The following GPN1 variants were observed in gnomAD, a reference collection of about 807,000 sequenced individuals.
GPN1 encodes the protein GPN-loop GTPase 1.
GPN1 carries 44 observed loss-of-function variants against 55.9 expected under a neutral mutation model. The observed-to-expected ratio is 0.79, with a 90% CI of 0.62 to 1.01. GPN1 has a LOEUF of 1.01. GPN1 is among the 50% of genes least tolerant of loss of function. The pLI, the probability that GPN1 is intolerant of heterozygous loss-of-function variation, is 0.00. For synonymous variants in GPN1, 179 were observed against 162.5 expected (o/e 1.10, Z -0.77); for missense variants, 466 against 462.8 (o/e 1.01, Z -0.06).
chr2:27,639,739 G>A (rs1009851693), intron 9 of GPN1, among the ~76,000 whole-genome samples: 1 of 152,142 alleles, frequency 6.6e-6, no homozygotes, highest in African/African-American at 2.4e-5. Flanking sequence ...CCCCAGGCCA[G>A]TCTTGAATGC....
At chr2:27,640,830 G>A (rs1352195788) in intron 10 of GPN1, among the ~76,000 whole-genome samples, 1 of 152,132 alleles carries the variant, frequency 6.6e-6, no homozygotes, top group Admixed American at 6.6e-5. Flanking sequence ...ACACAAGGGT[G>A]TTATCAAAAC....
At chr2:27,628,294 A>G, upstream of GPN1, 1 of 1,140,450 alleles carries the variant, frequency 8.8e-7, no homozygotes, top group South Asian at 1.6e-5. Context: ...GGTGGTCAGG[A>G]GTAGAAATAA....
At chr2:27,644,723 GTTT>G (rs1297764271) in intron 12 of GPN1, among the ~76,000 whole-genome samples, 1 of 101,740 alleles carries the variant, frequency 9.8e-6, no homozygotes, top group African/African-American at 3.9e-5. Flanking sequence ...TTTTGGTAGT[GTTT>G]TTTTTTTTTT....
intron 12 of GPN1, among the ~76,000 whole-genome samples, chr2:27,645,262 TC>T (rs1213636211): frequency 1.3e-5 from 2 of 152,080 alleles, no homozygotes; most frequent in Non-Finnish European, 2.9e-5. Context: ...TAAGCCACCA[TC>T]CCCAGCCCAT....
chr2:27,628,953 C>A, upstream of GPN1: 1 of 1,559,986 alleles, frequency 6.4e-7, no homozygotes, highest in Middle Eastern at 2.0e-4. Flanking sequence ...CCCTCACCCG[C>A]TCCTTTCTGA....
At chr2:27,629,025 T>C (rs1558484002), upstream of GPN1, 1 of 1,613,452 alleles carries the variant, frequency 6.2e-7, no homozygotes, top group Admixed American at 1.7e-5. Flanking sequence ...CCATGCGGTG[T>C]CTCTATGGTC....
At chr2:27,637,362 G>A (rs1219266555) in intron 7 of GPN1, among the ~76,000 whole-genome samples, 1 of 152,090 alleles carries the variant, frequency 6.6e-6, no homozygotes, top group Non-Finnish European at 1.5e-5. Context: ...CTGTCTCTGG[G>A]TGGCAGAGGT....
rs1286704428 is a variant in GPN1, at chr2:27,643,019, A to C, written c.931+500A>C. Reference sequence around the variant, plus strand: ...CATACATATGCATACATATATATTAAAAAATAAAGGATTTGGAAAGGCAAA... The same window carrying C: ...CATACATATGCATACATATATATTACAAAATAAAGGATTTGGAAAGGCAAA... On this transcript the variant is annotated intron_variant, in intron 12 of 13. Coordinates refer to ENST00000610189, the MANE Select transcript of GPN1 (RefSeq NM_007266.4). This position sits in a 1 kb window ranked among gnomAD's most constrained non-coding sequence, Gnocchi z 4.0. Among the ~76,000 whole-genome samples, 2 of 151,104 alleles carry C rather than the reference A, an allele frequency of 1.3e-5. No homozygotes were observed. Among genetic ancestry groups the C allele is most frequent in the African/African-American group, 4.9e-5 (2 of 41,232 alleles).
At chr2:27,630,563 C>A (rs1388461875) in intron 2 of GPN1, among the ~76,000 whole-genome samples, 1 of 151,858 alleles carries the variant, frequency 6.6e-6, no homozygotes, top group Non-Finnish European at 1.5e-5. Flanking sequence ...CAAGGCCTCT[C>A]TATGTTGCCC....
chr2:27,634,347 C>T (rs77127387), intron 5 of GPN1, among the ~76,000 whole-genome samples: 3,853 of 152,218 alleles, frequency 0.025, 75 homozygotes, highest in African/African-American at 0.051. Context: ...ACAATTCACC[C>T]ATTTAAGGTA....
chr2:27,631,227 CT>C, intron 3 of GPN1, 161 bp downstream of exon 3: 2 of 608,196 alleles, frequency 3.3e-6, no homozygotes, highest in Non-Finnish European at 5.9e-6. Context: ...ACTATTTCAG[CT>C]TGAGATTTTA....
chr2:27,640,424 G>A (rs1673893342), intron 10 of GPN1, among the ~76,000 whole-genome samples: 1 of 152,188 alleles, frequency 6.6e-6, no homozygotes, highest in South Asian at 2.1e-4. Flanking sequence ...AGTCTCTGTT[G>A]CAACTGCTCA....
At chr2:27,638,734 G>T (rs1170114154) in intron 8 of GPN1, 151 bp from the exon 9 acceptor site, 18 of 635,662 alleles carry the variant, frequency 2.8e-5, no homozygotes, top group Non-Finnish European at 8.1e-6. Context: ...AATGATTGTG[G>T]TTCTTTGTGG....
Position 27,634,941 on chromosome 2 carries a change from T to A in GPN1, c.429+17T>A. ...GAAGCCCTTGTGAGTATTCTAGGAC[T>A]TGCTACTGAGAGTAGCTAGAGGGGC... is the stretch of plus-strand genomic sequence containing the variant. On this transcript the variant is annotated intron_variant, in intron 6 of 13. Transcript: ENST00000610189. 1 of 1,477,710 alleles carries A rather than the reference T, an allele frequency of 6.8e-7. No homozygotes were observed. The allele number at this position is 1,477,710 out of a possible 1,614,324, so 91.5% of individuals were successfully genotyped here. A position where few individuals can be genotyped will look rare whatever the true frequency, so the allele number is the denominator to read the frequency against.
intron 12 of GPN1, among the ~76,000 whole-genome samples, chr2:27,646,417 T>C (rs1270271283): frequency 1.3e-5 from 2 of 152,232 alleles, no homozygotes; most frequent in East Asian, 3.8e-4. Flanking sequence ...CCGTTACATC[T>C]TATAACTGGT....
chr2:27,629,188 G>A lies in GPN1; in HGVS notation c.111+19G>A, dbSNP rs1472511041. The stretch of plus-strand genomic sequence containing the variant: ...TGTACAGGTGACGTACACAGCATGG[G>A]TGTAGTAGGGGAGCGCAAAAGGTTG... On this transcript the variant is annotated intron_variant, in intron 1 of 13. Coordinates refer to ENST00000610189, the MANE Select transcript of GPN1 (RefSeq NM_007266.4). The A allele has an allele frequency of 2.5e-6, 4 of 1,612,368 alleles. No homozygotes were observed. Among genetic ancestry groups the A allele is most frequent in the Admixed American group, 3.3e-5 (2 of 59,848 alleles).
At chr2:27,631,287 G>A (rs940095282) in intron 3 of GPN1, 1 of 567,960 alleles carries the variant, frequency 1.8e-6, no homozygotes, top group African/African-American at 1.9e-5. Context: ...TTAAAGAGCA[G>A]AGAGTATGAT....
upstream of GPN1, chr2:27,628,540 T>C (rs1237008976): frequency 6.4e-7 from 1 of 1,551,340 alleles, no homozygotes; most frequent in African/African-American, 1.4e-5. Context: ...CCGTAGTTTA[T>C]TCGTTCGGTG....
At position 27,650,771 on chromosome 2, in the gene GPN1, A is replaced by G. The variant is rs1674493367; in HGVS notation, c.*571A>G. The G allele has an allele frequency of 6.5e-6, 1 of 152,828 alleles. No individual in the cohort carries two copies. The highest frequency in any genetic ancestry group is 2.4e-5 in the African/African-American group (1 of 41,464). The allele number at this position is 152,828 out of a possible 1,614,324, so 9.5% of individuals were successfully genotyped here. On this transcript the variant is annotated 3_prime_UTR_variant, in exon 14 of 14. Coordinates refer to ENST00000610189, the MANE Select transcript of GPN1 (RefSeq NM_007266.4). ...ATTATAGGACGTCAGGTTTGTTGAAAAAAGTGGGCAAGACATGATTAATGA... is the reference window on the plus strand; with the variant it reads ...ATTATAGGACGTCAGGTTTGTTGAAGAAAGTGGGCAAGACATGATTAATGA...
Sources: allele counts gnomAD v4.1 joint callset (sites outside exome capture counted in the v4.1 genomes callset), GRCh38; gene constraint gnomAD v4.1.1; non-coding constraint Gnocchi (gnomAD v3.1); transcripts MANE v1.5; gene names NCBI Gene and HGNC (gene_info 2026-07-23, HGNC 2026-07-21).